PPIL3: variants seen among roughly 807,000 people sequenced by gnomAD.
PPIL3 encodes the protein peptidyl-prolyl cis-trans isomerase-like 3.
In PPIL3, 13 loss-of-function variants were observed where a neutral mutation model predicts 20.9. The observed-to-expected ratio is 0.62, with a 90% CI of 0.40 to 0.99. The LOEUF (loss-of-function observed/expected upper bound fraction) is 0.99, where lower values mean the gene tolerates loss of function less well. Ranked by LOEUF, PPIL3 falls within the 50% of genes least tolerant of loss-of-function variation. The probability of loss-of-function intolerance (pLI) is 0.00; values close to 1 mark genes in which losing one functional copy is unlikely to be tolerated. For synonymous variants in PPIL3, 71 were observed against 64.4 expected, an observed-to-expected ratio of 1.10 and a Z score of -0.49; for missense variants, 170 against 195.2, an observed-to-expected ratio of 0.87 and a Z score of 0.77.
intron 5 of PPIL3, 125 bp downstream of exon 5, chr2:200,881,296 A>G (rs761815618): frequency 4.2e-6 from 3 of 712,250 alleles, no homozygotes; most frequent in Non-Finnish European, 4.5e-6. Context: ...TCAAATGTAC[A>G]AAAACTATAA....
chr2:200,887,590 G>C, intron 2 of PPIL3, 23 bp downstream of exon 2: 1 of 1,567,762 alleles, frequency 6.4e-7, no homozygotes, highest in Non-Finnish European at 8.7e-7. Flanking sequence ...AAAGACATTA[G>C]ATAAAAATTG....
chr2:200,880,201 T>C (rs918874420), intron 5 of PPIL3, among the ~76,000 whole-genome samples: 2 of 151,812 alleles, frequency 1.3e-5, no homozygotes, highest in African/African-American at 4.8e-5. Flanking sequence ...GAGCCAAGAA[T>C]GCATCACTGC....
intron 5 of PPIL3, among the ~76,000 whole-genome samples, chr2:200,879,067 T>C (rs1263635432): frequency 6.6e-6 from 1 of 152,096 alleles, no homozygotes; most frequent in Non-Finnish European, 1.5e-5. Flanking sequence ...GGCCAGAATA[T>C]ATGAAGAGTC....
At chr2:200,885,290 GA>G (rs2039887685) in intron 3 of PPIL3, 1 of 346,086 alleles carries the variant, frequency 2.9e-6, no homozygotes, top group Non-Finnish European at 5.1e-6. Context: ...AGACTTGCTT[GA>G]ACCCAGGAGG....
At chr2:200,888,042 G>A (rs1326911101) in intron 1 of PPIL3, among the ~76,000 whole-genome samples, 2 of 137,790 alleles carry the variant, frequency 1.5e-5, no homozygotes, top group African/African-American at 5.9e-5. Context: ...GGGTGACAGC[G>A]CGAGACTCCG....
At chr2:200,884,109 G>C (rs1391481975) in intron 3 of PPIL3, among the ~76,000 whole-genome samples, 1 of 151,004 alleles carries the variant, frequency 6.6e-6, no homozygotes, top group Non-Finnish European at 1.5e-5. Flanking sequence ...TTCCATCCTT[G>C]TCATTTAAAC....
At chr2:200,876,200 C>T (rs1428817303) in intron 6 of PPIL3, among the ~76,000 whole-genome samples, 4 of 149,042 alleles carry the variant, frequency 2.7e-5, no homozygotes, top group South Asian at 4.2e-4. Flanking sequence ...GTTCCAGTTA[C>T]TCAAGAGGCT....
At chr2:200,881,365 G>T in intron 5 of PPIL3, 56 bp downstream of exon 5, 3 of 1,364,188 alleles carry the variant, frequency 2.2e-6, no homozygotes, top group Non-Finnish European at 3.1e-6. Context: ...ATGTATCAAA[G>T]TTTCCATGCA....
At chr2:200,878,114 T>C (rs1385410551) in intron 5 of PPIL3, among the ~76,000 whole-genome samples, 3 of 152,230 alleles carry the variant, frequency 2.0e-5, no homozygotes, top group Non-Finnish European at 4.4e-5. Flanking sequence ...CAATCAAATG[T>C]AATATTAAAT....
In PPIL3 at chr2:200,882,386, T is replaced by C. The variant is rs1370849928; in HGVS notation, c.128A>G (p.His43Arg). 1.2e-6 allele frequency: 2 copies of C among 1,608,668 alleles called. No homozygotes were observed. Among genetic ancestry groups the C allele is most frequent in the Non-Finnish European group, 1.7e-6 (2 of 1,175,000 alleles). Residue 43 changes from histidine to arginine, a missense_variant, in exon 4 of 7, where the codon CAT (histidine) becomes CGT (arginine). Transcript: ENST00000392283. ...ASNYYNGCIF[H>R]RNIKGFMVQT... is the part of the protein sequence containing the mutation. ...AACCATGAAACCCTTGATATTCCTA[T>C]GAAATATACAGCCATTGTAGTAATT...
intron 4 of PPIL3, chr2:200,881,708 T>C: frequency 4.0e-6 from 2 of 496,546 alleles, no homozygotes; most frequent in South Asian, 3.0e-5. Flanking sequence ...ATATTGTTCA[T>C]ATATATTTAA....
chr2:200,877,163 G>A (rs766867729), intron 5 of PPIL3, 126 bp from the exon 6 acceptor site: 1 of 657,186 alleles, frequency 1.5e-6, no homozygotes, highest in Non-Finnish European at 2.7e-6. Flanking sequence ...GTCTCACTAT[G>A]TTGCTCAGGC....
Position 200,885,893 on chromosome 2 carries a change from T to C in PPIL3, c.4-121A>G, listed in dbSNP as rs952055911. 5 of 593,938 alleles carry C rather than the reference T, an allele frequency of 8.4e-6. No individual in the cohort carries two copies. In the African/African-American group the frequency reaches 9.5e-5, roughly 11 times the overall value. The allele number at this position is 593,938 out of a possible 1,614,324, so 36.8% of individuals were successfully genotyped here. A position where few individuals can be genotyped will look rare whatever the true frequency, so the allele number is the denominator to read the frequency against. On this transcript the variant is annotated intron_variant, in intron 2 of 6. Coordinates refer to ENST00000392283, the MANE Select transcript of PPIL3 (RefSeq NM_130906.3). The stretch of plus-strand genomic sequence containing the variant: ...GAATAAAAACAGACAGAAATACTGC[T>C]TCAGAGATGACCCATCCACAAAGCA...
chr2:200,871,553 T>G (rs200580683), intron 6 of PPIL3, 32 bp from the exon 7 acceptor site: 6 of 1,583,732 alleles, frequency 3.8e-6, no homozygotes, highest in Non-Finnish European at 4.3e-6. Context: ...ATATGAAAAT[T>G]TCCTTAAATT....
At chr2:200,876,881 T>C (rs781304419) in intron 6 of PPIL3, 38 bp downstream of exon 6, 31 of 1,451,658 alleles carry the variant, frequency 2.1e-5, no homozygotes, top group Non-Finnish European at 2.6e-5. Flanking sequence ...ACCACTTGCA[T>C]TGAAATGCTA....
chr2:200,879,365 C>T (rs545130033), intron 5 of PPIL3, among the ~76,000 whole-genome samples: 149 of 152,120 alleles, frequency 9.8e-4, no homozygotes, highest in Middle Eastern at 3.4e-3. Context: ...GTGATCCGCC[C>T]GCCTCGGCCT....
At chr2:200,873,195 CTTT>C (rs533187117) in intron 6 of PPIL3, among the ~76,000 whole-genome samples, 4 of 140,696 alleles carry the variant, frequency 2.8e-5, no homozygotes, top group Admixed American at 7.1e-5. Context: ...GTATTTCTTT[CTTT>C]TTTTTTTTTT....
chr2:200,876,507 TTTTCTTTTC>T (rs1228290471), intron 6 of PPIL3, among the ~76,000 whole-genome samples: 1 of 151,310 alleles, frequency 6.6e-6, no homozygotes, highest in Non-Finnish European at 1.5e-5. Flanking sequence ...CTTTTCTTTC[TTTTCTTTTC>T]ATTTTTTTTT....
At chr2:200,875,361 G>A (rs1008841999) in intron 6 of PPIL3, among the ~76,000 whole-genome samples, 1 of 151,930 alleles carries the variant, frequency 6.6e-6, no homozygotes, top group Non-Finnish European at 1.5e-5. Context: ...TCCACCTCCA[G>A]GGTTCAAGCC....
Sources: gnomAD v4.1 joint callset for allele counts (sites outside exome capture counted in the v4.1 genomes callset) on GRCh38, gnomAD v4.1.1 for gene constraint, MANE v1.5 for transcripts, NCBI Gene and HGNC (gene_info 2026-07-23, HGNC 2026-07-21) for gene names.